Variants in FGFR2 observed in about 807,000 individuals in gnomAD.
The protein encoded by FGFR2 is fibroblast growth factor receptor 2, also known as BEK fibroblast growth factor receptor.
In FGFR2, 19 loss-of-function variants were observed where a neutral mutation model predicts 95.9. That is an observed-to-expected ratio of 0.20 (90% confidence interval 0.14 to 0.29). FGFR2 has a LOEUF of 0.29. Among genes scored for constraint, FGFR2 ranks in the 10% least tolerant of loss-of-function variants. FGFR2 has a pLI of 1.00. For missense variants in FGFR2, 707 were observed against 1,056.9 expected, an observed-to-expected ratio of 0.67 and a Z score of 4.59; for synonymous variants, 392 against 393.3, an observed-to-expected ratio of 1.00 and a Z score of 0.04.
intron 9 of FGFR2, among the ~76,000 whole-genome samples, chr10:121,507,539 G>C (rs752705907): frequency 5.3e-5 from 8 of 152,170 alleles, no homozygotes; most frequent in Non-Finnish European, 1.0e-4. Context: ...GGTGAGCCGA[G>C]ATGGTGCCAC....
intron 13 of FGFR2, among the ~76,000 whole-genome samples, chr10:121,496,019 C>T (rs577122831): frequency 3.6e-4 from 55 of 152,302 alleles, no homozygotes; most frequent in Admixed American, 3.5e-3. Context: ...GGGTCACCCG[C>T]CAAACGAGGC....
intron 2 of FGFR2, among the ~76,000 whole-genome samples, chr10:121,572,893 G>GA (rs1213233255): frequency 1.3e-5 from 2 of 152,158 alleles, no homozygotes; most frequent in Non-Finnish European, 2.9e-5. Context: ...TAAACAGAGA[G>GA]AAAAAAATCC....
At chr10:121,503,769 A>T (rs1847906546) in intron 10 of FGFR2, 21 bp downstream of exon 10, 1 of 1,613,950 alleles carries the variant, frequency 6.2e-7, no homozygotes, top group Non-Finnish European at 8.5e-7. Flanking sequence ...ATCCTGGGAC[A>T]TGGCCAAGAG....
In FGFR2 at chr10:121,496,823, T is replaced by C. The variant is rs116907295; in HGVS notation, c.1673-101A>G. 584 of 1,160,870 alleles carry C rather than the reference T, an allele frequency of 5.0e-4. 3 individuals carry two copies. The highest frequency in any genetic ancestry group is 4.5e-3 in the East Asian group (191 of 42,692). The allele number at this position is 1,160,870 out of a possible 1,614,324, so 71.9% of individuals were successfully genotyped here. A position where few individuals can be genotyped will look rare whatever the true frequency, so the allele number is the denominator to read the frequency against. On this transcript the variant is annotated intron_variant, in intron 12 of 17. Transcript: ENST00000358487. ...AGTTATTACAACCCATGCTTTTTTTTTTTTTTTTAAAGTTTAACATACAGC... is the reference window on the plus strand; with the variant it reads ...AGTTATTACAACCCATGCTTTTTTTCTTTTTTTTAAAGTTTAACATACAGC...
chr10:121,580,752 A>C (rs1274339020), intron 2 of FGFR2, among the ~76,000 whole-genome samples: 3 of 152,318 alleles, frequency 2.0e-5, no homozygotes, highest in African/African-American at 7.2e-5. Flanking sequence ...ATTCCACGTT[A>C]AGAGCCGGCG....
intron 2 of FGFR2, among the ~76,000 whole-genome samples, chr10:121,567,474 A>G (rs981766790): frequency 6.6e-6 from 1 of 152,268 alleles, no homozygotes; most frequent in African/African-American, 2.4e-5. Context: ...TATTTACTGC[A>G]TGTCTACTAT....
chr10:121,554,115 C>A (rs1030792874), intron 4 of FGFR2, among the ~76,000 whole-genome samples: 11 of 152,170 alleles, frequency 7.2e-5, no homozygotes, highest in African/African-American at 2.7e-4. Context: ...ACAGACACAG[C>A]CATACAGCAG....
At chr10:121,576,462 C>A (rs1034521938) in intron 2 of FGFR2, among the ~76,000 whole-genome samples, 4 of 152,186 alleles carry the variant, frequency 2.6e-5, no homozygotes, top group Admixed American at 2.6e-4. Flanking sequence ...TTGGGACACA[C>A]TGTTCTGGGG....
At chr10:121,503,355 C>T (rs1676854805) in intron 10 of FGFR2, among the ~76,000 whole-genome samples, 2 of 152,232 alleles carry the variant, frequency 1.3e-5, no homozygotes, top group East Asian at 1.9e-4. Flanking sequence ...CCAATGAGAA[C>T]AGCAACACTG....
intron 13 of FGFR2, among the ~76,000 whole-genome samples, chr10:121,496,075 T>C (rs1286188155): frequency 6.6e-6 from 1 of 152,104 alleles, no homozygotes; most frequent in Admixed American, 6.5e-5. Flanking sequence ...AAAATACCCC[T>C]TTGTTTGACC....
At chr10:121,513,537 T>G (rs1252179439) in intron 9 of FGFR2, among the ~76,000 whole-genome samples, 3 of 152,198 alleles carry the variant, frequency 2.0e-5, no homozygotes, top group African/African-American at 4.8e-5. Context: ...AAATTACAAG[T>G]TGCCTCCAGA....
chr10:121,496,234 T>TG (rs1199499964), intron 13 of FGFR2, among the ~76,000 whole-genome samples: 1 of 151,592 alleles, frequency 6.6e-6, no homozygotes, highest in Non-Finnish European at 1.5e-5. Flanking sequence ...AGGGGGCCTT[T>TG]AAAACCATCC....
chr10:121,574,788 C>A (rs1250905299), intron 2 of FGFR2, among the ~76,000 whole-genome samples: 1 of 152,166 alleles, frequency 6.6e-6, no homozygotes, highest in Admixed American at 6.5e-5. Flanking sequence ...GAGGAAGGGA[C>A]AAATACTCCG....
rs41295603 is a variant in FGFR2, at chr10:121,502,636, T to C, written c.1439+1154A>G. On this transcript the variant is annotated intron_variant, in intron 10 of 17. Coordinates refer to ENST00000358487, the MANE Select transcript of FGFR2 (RefSeq NM_000141.5). ...GAGCTTATCTTTGCATTTCCAAATG[T>C]GTATAGGTACACATGAGAAGTGTAT... Among the ~76,000 whole-genome samples, 1,131 of 152,292 alleles carry C rather than the reference T, an allele frequency of 7.4e-3. 15 individuals carry two copies. Among genetic ancestry groups the C allele is most frequent in the African/African-American group, 0.026 (1,092 of 41,564 alleles).
chr10:121,504,863 G>T (rs982212322), intron 9 of FGFR2, among the ~76,000 whole-genome samples: 1 of 152,150 alleles, frequency 6.6e-6, no homozygotes, highest in African/African-American at 2.4e-5. Flanking sequence ...CACACTGGAA[G>T]GCCACTTTTG....
At chr10:121,490,305 C>T (rs1589731632) in intron 13 of FGFR2, among the ~76,000 whole-genome samples, 2 of 152,106 alleles carry the variant, frequency 1.3e-5, no homozygotes, top group African/African-American at 4.8e-5. Flanking sequence ...GCTGGGATTG[C>T]AGGTGCCCAC....
At chr10:121,481,067 T>C (rs1844608282) in intron 17 of FGFR2, among the ~76,000 whole-genome samples, 1 of 152,200 alleles carries the variant, frequency 6.6e-6, no homozygotes, top group Non-Finnish European at 1.5e-5. Context: ...GTGGCTACTT[T>C]GAGGCTACAG....
At chr10:121,564,269 T>C (rs1483382800) in intron 4 of FGFR2, 1 of 576,960 alleles carries the variant, frequency 1.7e-6, no homozygotes, top group Non-Finnish European at 3.1e-6. Flanking sequence ...TAGTAACTGC[T>C]TTGAAAAACG....
chr10:121,572,273 G>A (rs957616383), intron 2 of FGFR2, among the ~76,000 whole-genome samples: 1 of 151,908 alleles, frequency 6.6e-6, no homozygotes, highest in Admixed American at 6.6e-5. Context: ...AGCTATGATC[G>A]CGCCACTGCA....
Sources: allele counts gnomAD v4.1 joint callset (sites outside exome capture counted in the v4.1 genomes callset), GRCh38; gene constraint gnomAD v4.1.1; transcripts MANE v1.5; gene names NCBI Gene and HGNC (gene_info 2026-07-23, HGNC 2026-07-21).